Variants in GABRG3 observed in about 807,000 individuals in gnomAD.
GABRG3 encodes the protein gamma-aminobutyric acid type A receptor subunit gamma3.
A neutral mutation model predicts 48.8 loss-of-function variants in GABRG3; 25 were observed. That is an observed-to-expected ratio of 0.51 (90% CI 0.37 to 0.72). The LOEUF (loss-of-function observed/expected upper bound fraction) is 0.72, where lower values mean the gene tolerates loss of function less well. Among genes scored for constraint, GABRG3 ranks in the 30% least tolerant of loss-of-function variants. The pLI is 0.00. For missense variants in GABRG3, 394 were observed against 577.9 expected (o/e 0.68, Z 3.26); for synonymous variants, 227 against 217.6 (o/e 1.04, Z -0.38).
At chr15:27,254,182 G>A (rs1890543098) in intron 3 of GABRG3, among the ~76,000 whole-genome samples, 1 of 152,172 alleles carries the variant, frequency 6.6e-6, no homozygotes, top group Non-Finnish European at 1.5e-5. Context: ...GGCCTTCAGC[G>A]GCTCCACACA....
chr15:26,990,377 G>A lies in GABRG3; in HGVS notation c.202+13227G>A, dbSNP rs183232888. ...TTGCATTTCTCTGATTATCAGTGAT[G>A]TTGAGCATCTTCTCATATGCCTGTT... On this transcript the variant is annotated intron_variant, in intron 2 of 9. Coordinates refer to ENST00000615808, the MANE Select transcript of GABRG3 (RefSeq NM_033223.5). Among the ~76,000 whole-genome samples the A allele has an allele frequency of 4.3e-3, 653 of 152,294 alleles. 4 individuals carry two copies. Among genetic ancestry groups the A allele is most frequent in the Non-Finnish European group, 7.7e-3 (522 of 68,024 alleles).
At chr15:27,131,508 G>A (rs1897916084) in intron 3 of GABRG3, among the ~76,000 whole-genome samples, 1 of 151,956 alleles carries the variant, frequency 6.6e-6, no homozygotes. Flanking sequence ...TTCTTAGAGT[G>A]TCTTTGTTTG....
chr15:27,500,735 T>G (rs963926337), intron 6 of GABRG3, among the ~76,000 whole-genome samples: 1 of 152,082 alleles, frequency 6.6e-6, no homozygotes, highest in East Asian at 1.9e-4. Context: ...GTTAAGTGAG[T>G]GCAAACTTTG....
intron 5 of GABRG3, among the ~76,000 whole-genome samples, chr15:27,361,412 C>T (rs915671355): frequency 6.6e-6 from 1 of 152,186 alleles, no homozygotes; most frequent in Non-Finnish European, 1.5e-5. Context: ...GACGCTAAGG[C>T]CCTGAGACTC....
Position 27,423,243 on chromosome 15 carries a change from A to T in GABRG3, c.575-57407A>T, listed in dbSNP as rs1459652233. On this transcript the variant is annotated intron_variant, in intron 5 of 9. Transcript: ENST00000615808. ...AAAAAAAAAAAAAAGTCATTATGATAAAAAAAAAAAAAAAAAAAAAAACCT... is the reference window on the plus strand; with the variant it reads ...AAAAAAAAAAAAAAGTCATTATGATTAAAAAAAAAAAAAAAAAAAAAACCT... 2.5e-4 allele frequency among the ~76,000 whole-genome samples: 18 copies of T among 72,624 alleles called. No individual in the cohort carries two copies. The East Asian group carries it at 3.2e-3, about 13-fold the overall frequency. The allele number at this position is 72,624 out of a possible 152,430, so 47.6% of individuals were successfully genotyped here. A position where few individuals can be genotyped will look rare whatever the true frequency, so the allele number is the denominator to read the frequency against.
At chr15:27,163,186 A>C (rs147863256) in intron 3 of GABRG3, among the ~76,000 whole-genome samples, 5 of 152,224 alleles carry the variant, frequency 3.3e-5, no homozygotes, top group South Asian at 4.2e-4. Context: ...CAGTATCCTC[A>C]GAGACTCCTA....
intron 3 of GABRG3, among the ~76,000 whole-genome samples, chr15:27,105,116 T>G: frequency 6.6e-6 from 1 of 152,126 alleles, no homozygotes; most frequent in East Asian, 1.9e-4. Context: ...AATTAAAAAT[T>G]TAAAAGCAGG....
At chr15:27,208,285 C>G (rs528205706) in intron 3 of GABRG3, 1 of 196,516 alleles carries the variant, frequency 5.1e-6, no homozygotes, top group East Asian at 1.3e-4. Flanking sequence ...GGACGAGCAC[C>G]TGGCCATTTT....
intron 2 of GABRG3, among the ~76,000 whole-genome samples, chr15:27,009,871 C>T (rs902561478): frequency 2.0e-5 from 3 of 152,104 alleles, no homozygotes; most frequent in Non-Finnish European, 2.9e-5. Context: ...CTTTCCTCCT[C>T]CTCCTCCTGC....
chr15:27,262,478 C>T lies in GABRG3; in HGVS notation c.271-64331C>T, dbSNP rs553974707. ...TTCTTCTCAGGACCCAGTTCTGCAG[C>T]GTCAGAGGTTGATACCTGGGTCACC... On this transcript the variant is annotated intron_variant, in intron 3 of 9. Coordinates refer to ENST00000615808, the MANE Select transcript of GABRG3 (RefSeq NM_033223.5). Among the ~76,000 whole-genome samples the T allele has an allele frequency of 3.9e-5, 6 of 152,340 alleles. No homozygotes were observed. In the South Asian group the frequency reaches 1.0e-3, roughly 26 times the overall value.
intron 2 of GABRG3, among the ~76,000 whole-genome samples, chr15:27,004,129 AC>A (rs1326410581): frequency 1.6e-5 from 2 of 121,986 alleles, no homozygotes; most frequent in Non-Finnish European, 3.4e-5. Context: ...CGGGGGGCTG[AC>A]CCCCCCACCT....
At chr15:27,480,985 A>G in intron 6 of GABRG3, 198 bp downstream of exon 6, 2 of 1,378,918 alleles carry the variant, frequency 1.5e-6, no homozygotes, top group Non-Finnish European at 9.3e-7. Context: ...AATAATTCAT[A>G]TTTTTGAATC....
intron 6 of GABRG3, among the ~76,000 whole-genome samples, chr15:27,502,354 T>C (rs1405662533): frequency 6.6e-6 from 1 of 152,238 alleles, no homozygotes; most frequent in African/African-American, 2.4e-5. Flanking sequence ...TGAGATCCCA[T>C]GCATCCTTAT....
rs149888590 is a variant in GABRG3 at position 27,528,025 on chromosome 15, G to C, written c.1122+33G>C. 731 of 1,500,092 alleles carry C rather than the reference G, an allele frequency of 4.9e-4. 1 individual carries two copies. The African/African-American group carries it at 9.2e-3, about 19-fold the overall frequency. 92.9% of individuals were successfully genotyped at this position (1,500,092 alleles called of 1,614,324 possible). A position where few individuals can be genotyped will look rare whatever the true frequency, so the allele number is the denominator to read the frequency against. ...TAGCATTGCAGGTGCCAATATTTCTGAGAACTTTCACTAAACTAAGATTGC... is the reference window on the plus strand; with the variant it reads ...TAGCATTGCAGGTGCCAATATTTCTCAGAACTTTCACTAAACTAAGATTGC... On this transcript the variant is annotated intron_variant, in intron 9 of 9. Coordinates refer to ENST00000615808, the MANE Select transcript of GABRG3 (RefSeq NM_033223.5).
chr15:27,464,443 A>G (rs1889541610), intron 5 of GABRG3, among the ~76,000 whole-genome samples: 1 of 152,208 alleles, frequency 6.6e-6, no homozygotes, highest in African/African-American at 2.4e-5. Context: ...TTGCTGCTGT[A>G]AACTTTCATG....
chr15:27,234,878 C>A (rs919687200), intron 3 of GABRG3, among the ~76,000 whole-genome samples: 5 of 152,108 alleles, frequency 3.3e-5, no homozygotes, highest in African/African-American at 1.2e-4. Context: ...AGAGGGGCCA[C>A]CTGGGCTCCT....
In GABRG3 at chr15:27,284,907, G is replaced by C. The variant is rs142081269; in HGVS notation, c.271-41902G>C. Among the ~76,000 whole-genome samples the C allele has an allele frequency of 4.7e-3, 719 of 152,266 alleles. 9 individuals carry two copies. The highest frequency in any genetic ancestry group is 0.016 in the African/African-American group (680 of 41,560). Reference sequence around the variant, plus strand: ...ACATATTTTCTTTCCTCTTTTGGAGGTGAGAAACAGGAAAGAAACTTGTTG... The same window carrying C: ...ACATATTTTCTTTCCTCTTTTGGAGCTGAGAAACAGGAAAGAAACTTGTTG... On this transcript the variant is annotated intron_variant, in intron 3 of 9. Coordinates refer to ENST00000615808, the MANE Select transcript of GABRG3 (RefSeq NM_033223.5).
At position 27,267,417 on chromosome 15, in the gene GABRG3, T is replaced by C. The variant is rs115159277; in HGVS notation, c.271-59392T>C. Reference sequence around the variant, plus strand: ...CCACTGCACCTGGCCATCTTTTACCTTTAGAGTATCATGTTAGCTCAAGGA... The same window carrying C: ...CCACTGCACCTGGCCATCTTTTACCCTTAGAGTATCATGTTAGCTCAAGGA... On this transcript the variant is annotated intron_variant, in intron 3 of 9. Transcript: ENST00000615808. Among the ~76,000 whole-genome samples the C allele has an allele frequency of 8.2e-3, 1,242 of 151,326 alleles. 11 individuals carry two copies. Among genetic ancestry groups the C allele is most frequent in the African/African-American group, 0.029 (1,186 of 41,208 alleles).
At chr15:27,200,376 T>C (rs1213399922) in intron 3 of GABRG3, among the ~76,000 whole-genome samples, 2 of 152,212 alleles carry the variant, frequency 1.3e-5, no homozygotes, top group Admixed American at 6.5e-5. Context: ...TTAAAATATA[T>C]GCTTCCTTTT....
Sources: allele counts gnomAD v4.1 joint callset (sites outside exome capture counted in the v4.1 genomes callset), GRCh38; gene constraint gnomAD v4.1.1; transcripts MANE v1.5; gene names NCBI Gene and HGNC (gene_info 2026-07-23, HGNC 2026-07-21).